Variants in KIAA1958 observed in about 807,000 individuals in gnomAD.
KIAA1958 encodes KIAA1958, also known as uncharacterized protein KIAA1958.
Under a neutral mutation model 47.2 loss-of-function variants are expected in KIAA1958, and 14 were observed. That is an observed-to-expected ratio of 0.30 (90% confidence interval 0.20 to 0.46). The LOEUF (loss-of-function observed/expected upper bound fraction) is 0.46, where lower values mean the gene tolerates loss of function less well. Ranked by LOEUF, KIAA1958 falls within the 20% of genes least tolerant of loss-of-function variation. KIAA1958 has a pLI of 1.00. For missense variants in KIAA1958, 803 were observed against 909.2 expected (o/e 0.88, Z 1.50); for synonymous variants, 354 against 353.3 (o/e 1.00, Z -0.02).
In KIAA1958 at chr9:112,533,648, G is replaced by T. The variant is rs569899970; in HGVS notation, c.-24-40409G>T. Among the ~76,000 whole-genome samples the T allele has an allele frequency of 2.6e-5, 4 of 151,532 alleles. No homozygotes were observed. In the South Asian group the frequency reaches 8.3e-4, roughly 32 times the overall value. On this transcript the variant is annotated intron_variant, in intron 1 of 3. Transcript: ENST00000337530. Reference sequence around the variant, plus strand: ...ACTCACAGTTTCCCATTGCTGGGGAGACCTCAGGAAACTTAAAATCATGGT... The same window carrying T: ...ACTCACAGTTTCCCATTGCTGGGGATACCTCAGGAAACTTAAAATCATGGT...
chr9:112,507,768 C>CTCTT (rs764724203), intron 1 of KIAA1958, among the ~76,000 whole-genome samples: 1 of 152,124 alleles, frequency 6.6e-6, no homozygotes, highest in Non-Finnish European at 1.5e-5. Flanking sequence ...TTCTCTCTCT[C>CTCTT]TCTTTCTTTC....
At chr9:112,511,506 A>G (rs1396026283) in intron 1 of KIAA1958, among the ~76,000 whole-genome samples, 1 of 152,252 alleles carries the variant, frequency 6.6e-6, no homozygotes, top group Admixed American at 6.5e-5. Context: ...GATATACCAT[A>G]AAATCTAAGC....
At position 112,668,140 on chromosome 9, in the gene KIAA1958, A is replaced by C. The variant is rs1418144322; in HGVS notation, c.*8071A>C. On this transcript the variant is annotated 3_prime_UTR_variant, in exon 4 of 4. Transcript: ENST00000337530. ...TATCCTGAAAGAGTCCACTGCTTCC[A>C]AGTGAGAAAAGCCAAGGAGTCCCCT... 2 of 152,206 alleles carry C rather than the reference A, an allele frequency of 1.3e-5. No individual in the cohort carries two copies. Among genetic ancestry groups the C allele is most frequent in the Non-Finnish European group, 2.9e-5 (2 of 68,032 alleles). 9.4% of individuals were successfully genotyped at this position (152,206 alleles called of 1,614,324 possible). A position where few individuals can be genotyped will look rare whatever the true frequency, so the allele number is the denominator to read the frequency against.
chr9:112,624,790 A>G (rs1007552527), intron 2 of KIAA1958, among the ~76,000 whole-genome samples: 2 of 152,314 alleles, frequency 1.3e-5, no homozygotes, highest in African/African-American at 2.4e-5. Flanking sequence ...CAGTTTGATT[A>G]GAATATTAAT....
At chr9:112,518,353 A>AT (rs1330770356) in intron 1 of KIAA1958, among the ~76,000 whole-genome samples, 4 of 152,262 alleles carry the variant, frequency 2.6e-5, no homozygotes, top group Non-Finnish European at 5.9e-5. Flanking sequence ...TAATTGTGGC[A>AT]TATACATACA....
intron 2 of KIAA1958, among the ~76,000 whole-genome samples, chr9:112,599,728 TAAA>T (rs1173176923): frequency 1.3e-5 from 2 of 152,212 alleles, no homozygotes; most frequent in African/African-American, 4.8e-5. Flanking sequence ...AAGTGAGAGT[TAAA>T]AAACAAGATT....
chr9:112,586,824 G>A (rs1216919392), intron 2 of KIAA1958, among the ~76,000 whole-genome samples: 1 of 152,174 alleles, frequency 6.6e-6, no homozygotes, highest in East Asian at 1.9e-4. Flanking sequence ...TTCTAGCTTG[G>A]TATCCATTCC....
intron 1 of KIAA1958, among the ~76,000 whole-genome samples, chr9:112,523,022 G>A (rs1232119656): frequency 6.6e-6 from 1 of 152,164 alleles, no homozygotes; most frequent in Non-Finnish European, 1.5e-5. Context: ...ACAGGGCTAT[G>A]CGATGACAAC....
chr9:112,515,652 A>G (rs1215263988), intron 1 of KIAA1958, among the ~76,000 whole-genome samples: 2 of 60,864 alleles, frequency 3.3e-5, no homozygotes, highest in Non-Finnish European at 6.5e-5. Context: ...AGGGCGGTGC[A>G]AGATGTGCTT....
intron 1 of KIAA1958, among the ~76,000 whole-genome samples, chr9:112,535,631 A>G (rs918623404): frequency 3.3e-5 from 5 of 151,948 alleles, no homozygotes; most frequent in African/African-American, 9.7e-5. Context: ...TGGGAGTTCT[A>G]TTTTTAATAT....
At chr9:112,504,409 G>T (rs548202443) in intron 1 of KIAA1958, among the ~76,000 whole-genome samples, 3 of 152,072 alleles carry the variant, frequency 2.0e-5, no homozygotes, top group African/African-American at 7.2e-5. Context: ...GGCGGGTCTC[G>T]AATTCCTGAC....
chr9:112,615,632 C>G (rs545141954), intron 2 of KIAA1958, among the ~76,000 whole-genome samples: 1 of 152,160 alleles, frequency 6.6e-6, no homozygotes, highest in Middle Eastern at 3.4e-3. Flanking sequence ...AACATATAAC[C>G]CCTTCATATG....
chr9:112,519,129 G>GACA (rs1045832640), intron 1 of KIAA1958, among the ~76,000 whole-genome samples: 7 of 152,092 alleles, frequency 4.6e-5, no homozygotes, highest in Middle Eastern at 3.4e-3. Context: ...TTTTTTAAGA[G>GACA]ACAAGGTCTC....
At chr9:112,580,305 G>A (rs905562199) in intron 2 of KIAA1958, among the ~76,000 whole-genome samples, 3 of 152,042 alleles carry the variant, frequency 2.0e-5, no homozygotes, top group Non-Finnish European at 4.4e-5. Context: ...TTTTATGTGG[G>A]CAGATAAGAA....
chr9:112,507,919 C>G (rs989442598), intron 1 of KIAA1958, among the ~76,000 whole-genome samples: 4 of 152,116 alleles, frequency 2.6e-5, no homozygotes, highest in Non-Finnish European at 5.9e-5. Context: ...AAGTGAGATT[C>G]TATCTTTTAG....
chr9:112,523,915 C>T (rs1321518960), intron 1 of KIAA1958, among the ~76,000 whole-genome samples: 1 of 152,190 alleles, frequency 6.6e-6, no homozygotes, highest in African/African-American at 2.4e-5. Context: ...CTCTCCACCT[C>T]CACATATACA....
At chr9:112,626,782 A>G (rs572604482) in intron 2 of KIAA1958, among the ~76,000 whole-genome samples, 1 of 151,508 alleles carries the variant, frequency 6.6e-6, no homozygotes, top group African/African-American at 2.4e-5. Context: ...TTTAAACAGC[A>G]TTTATAATGA....
chr9:112,487,361 C>A (rs1251067979), intron 1 of KIAA1958, among the ~76,000 whole-genome samples: 2 of 151,584 alleles, frequency 1.3e-5, no homozygotes, highest in Admixed American at 6.6e-5. Flanking sequence ...GGCGCAGAGA[C>A]CCCCGGTGGC....
chr9:112,635,214 T>TGTGTG (rs1836782795), intron 2 of KIAA1958, among the ~76,000 whole-genome samples: 14 of 130,352 alleles, frequency 1.1e-4, no homozygotes, highest in African/African-American at 2.7e-4. Flanking sequence ...ATTCTTTATT[T>TGTGTG]TGTGTGTGTG....
Sources: allele counts gnomAD v4.1 joint callset (sites outside exome capture counted in the v4.1 genomes callset), GRCh38; gene constraint gnomAD v4.1.1; transcripts MANE v1.5; gene names NCBI Gene and HGNC (gene_info 2026-07-23, HGNC 2026-07-21).